The following MAST3 variants were observed in gnomAD, a reference collection of about 807,000 sequenced individuals.
The protein encoded by MAST3 is microtubule associated serine/threonine kinase 3.
In MAST3, 43 loss-of-function variants were observed where a neutral mutation model predicts 127.0. The ratio of observed to expected loss-of-function variants is 0.34; its 90% CI spans 0.27 to 0.44. The LOEUF (loss-of-function observed/expected upper bound fraction) is 0.44, where lower values mean the gene tolerates loss of function less well. Among genes scored for constraint, MAST3 ranks in the 20% least tolerant of loss-of-function variants. The probability of loss-of-function intolerance (pLI) is 1.00; values close to 1 mark genes in which losing one functional copy is unlikely to be tolerated. For missense variants in MAST3, 1,390 were observed against 1,919.1 expected, an observed-to-expected ratio of 0.72 and a Z score of 5.15; for synonymous variants, 785 against 809.2, an observed-to-expected ratio of 0.97 and a Z score of 0.51.
At chr19:18,142,257 C>G (rs1233163389) in intron 21 of MAST3, among the ~76,000 whole-genome samples, 1 of 152,090 alleles carries the variant, frequency 6.6e-6, no homozygotes, top group Non-Finnish European at 1.5e-5. Context: ...TCCAGAATGC[C>G]CTTTGCTTAC....
intron 1 of MAST3, among the ~76,000 whole-genome samples, chr19:18,104,179 CAAAAAAAAAAAAAAAAAAAAAAA>C (rs56347763): frequency 0.037 from 1,595 of 43,534 alleles, 30 homozygotes; most frequent in Middle Eastern, 0.19. Flanking sequence ...GACGCTGTCT[CAAAAAAAAAAAAAAAAAAAAAAA>C]AAAAAAAAAA....
At chr19:18,136,762 C>T (rs886462579) in intron 18 of MAST3, among the ~76,000 whole-genome samples, 1 of 152,038 alleles carries the variant, frequency 6.6e-6, no homozygotes, top group Non-Finnish European at 1.5e-5. Flanking sequence ...TCGTCCCTCT[C>T]CAGGCTCCTA....
chr19:18,109,207 G>T lies in MAST3; in HGVS notation c.72-1445G>T, dbSNP rs552215445. 2.5e-4 allele frequency among the ~76,000 whole-genome samples: 35 copies of T among 142,026 alleles called. No homozygotes were observed. The South Asian group carries it at 7.4e-3, about 30-fold the overall frequency. 93.2% of individuals were successfully genotyped at this position (142,026 alleles called of 152,430 possible). A position where few individuals can be genotyped will look rare whatever the true frequency, so the allele number is the denominator to read the frequency against. On this transcript the variant is annotated intron_variant, in intron 2 of 27. Transcript: ENST00000687212. ...ACAAGGGTAGCTGAGTGGAGTGAGT[G>T]GAGATGAGGTGGCAGGACAGAAGGA... is the stretch of plus-strand genomic sequence containing the variant.
At chr19:18,109,368 C>A (rs533577948) in intron 2 of MAST3, among the ~76,000 whole-genome samples, 14 of 152,062 alleles carry the variant, frequency 9.2e-5, no homozygotes, top group African/African-American at 3.1e-4. Context: ...TGGGACATTG[C>A]CCCGAGAGCC....
chr19:18,128,226 T>C (rs1057444759), intron 11 of MAST3, among the ~76,000 whole-genome samples, 174 bp from the exon 12 acceptor site: 2 of 152,146 alleles, frequency 1.3e-5, no homozygotes, highest in Non-Finnish European at 2.9e-5. Flanking sequence ...GGTTCCTAAG[T>C]CATTGCTTCA....
At position 18,114,306 on chromosome 19, in the gene MAST3, C is replaced by T. The variant is rs535747894; in HGVS notation, c.161+3565C>T. Among the ~76,000 whole-genome samples the T allele has an allele frequency of 2.6e-5, 4 of 151,990 alleles. No individual in the cohort carries two copies. The East Asian group carries it at 7.7e-4, about 29-fold the overall frequency. ...CTGGGTTCAAGTGATTCTCCTGCCTCAGCCTCGAGAGTAGCTGGGATTACA... is the reference window on the plus strand; with the variant it reads ...CTGGGTTCAAGTGATTCTCCTGCCTTAGCCTCGAGAGTAGCTGGGATTACA... On this transcript the variant is annotated intron_variant, in intron 3 of 27. Transcript: ENST00000687212.
At chr19:18,123,119 G>A in intron 6 of MAST3, 98 bp from the exon 7 acceptor site, 1 of 1,309,844 alleles carries the variant, frequency 7.6e-7, no homozygotes, top group East Asian at 2.3e-5. Flanking sequence ...ACCTTCTGAT[G>A]GCCAGCAGGC....
At chr19:18,125,387 T>C (rs1488115081) in intron 11 of MAST3, among the ~76,000 whole-genome samples, 1 of 152,128 alleles carries the variant, frequency 6.6e-6, no homozygotes, top group Non-Finnish European at 1.5e-5. Flanking sequence ...GCCTTTACTG[T>C]GGCCCAGAAA....
At chr19:18,104,240 GGAA>G (rs1055613519) in intron 1 of MAST3, among the ~76,000 whole-genome samples, 2 of 145,946 alleles carry the variant, frequency 1.4e-5, no homozygotes, top group Non-Finnish European at 3.0e-5. Flanking sequence ...TATTGGAAGG[GGAA>G]GAAGGAGACC....
rs2039786468 is a variant in MAST3 at position 18,120,079 on chromosome 19, A to G, written c.162-1606A>G. Among the ~76,000 whole-genome samples, 4 of 152,100 alleles carry G rather than the reference A, an allele frequency of 2.6e-5. No individual in the cohort carries two copies. In the South Asian group the frequency reaches 8.3e-4, roughly 31 times the overall value. On this transcript the variant is annotated intron_variant, in intron 3 of 27. Transcript: ENST00000687212. ...GGGCTGAGGCCAGGGCCCAGGTGGG[A>G]GAAGAAGCCAGGCAGGGTGTGAGAG...
chr19:18,118,453 G>A (rs2039570107), intron 3 of MAST3, among the ~76,000 whole-genome samples: 1 of 152,192 alleles, frequency 6.6e-6, no homozygotes, highest in Admixed American at 6.5e-5. Flanking sequence ...CCCTGGACTG[G>A]GGTGTCTGTC....
At chr19:18,117,080 C>T (rs888192680) in intron 3 of MAST3, among the ~76,000 whole-genome samples, 4 of 151,858 alleles carry the variant, frequency 2.6e-5, no homozygotes, top group Non-Finnish European at 5.9e-5. Context: ...TCAGTCCTTA[C>T]GGTGGGAGAC....
At chr19:18,125,263 G>T (rs1475308063) in intron 11 of MAST3, among the ~76,000 whole-genome samples, 2 of 152,158 alleles carry the variant, frequency 1.3e-5, no homozygotes, top group Admixed American at 1.3e-4. Context: ...GGGGCCCAGG[G>T]GCCTCAGTGT....
At position 18,151,107 on chromosome 19, in the gene MAST3, A is replaced by G. The variant is rs1306990181; in HGVS notation, c.*1381A>G. 1 of 152,216 alleles carries G rather than the reference A, an allele frequency of 6.6e-6. No individual in the cohort carries two copies. The highest frequency in any genetic ancestry group is 1.5e-5 in the Non-Finnish European group (1 of 68,030). 9.4% of individuals were successfully genotyped at this position (152,216 alleles called of 1,614,324 possible). A position where few individuals can be genotyped will look rare whatever the true frequency, so the allele number is the denominator to read the frequency against. On this transcript the variant is annotated 3_prime_UTR_variant, in exon 28 of 28. Transcript: ENST00000687212. ...CAGAGCCTCTCTGGGATGAAGTTCAAGCCAGAAAACCCAGTCGAGGCTCAA... is the reference window on the plus strand; with the variant it reads ...CAGAGCCTCTCTGGGATGAAGTTCAGGCCAGAAAACCCAGTCGAGGCTCAA...
At chr19:18,119,596 G>T (rs915209597) in intron 3 of MAST3, among the ~76,000 whole-genome samples, 10 of 152,224 alleles carry the variant, frequency 6.6e-5, no homozygotes, top group Non-Finnish European at 1.3e-4. Context: ...GGAGGCACTG[G>T]CTGCCCTCCC....
Position 18,145,928 on chromosome 19 carries a change from T to A in MAST3, c.3162+63T>A. The A allele has an allele frequency of 6.7e-7, 1 of 1,501,610 alleles. No homozygotes were observed. Among genetic ancestry groups the A allele is most frequent in the Non-Finnish European group, 8.8e-7 (1 of 1,133,064 alleles). The allele number at this position is 1,501,610 out of a possible 1,614,324, so 93.0% of individuals were successfully genotyped here. A position where few individuals can be genotyped will look rare whatever the true frequency, so the allele number is the denominator to read the frequency against. On this transcript the variant is annotated intron_variant, in intron 25 of 27. Transcript: ENST00000687212. The surrounding 1 kb of genome is among the most constrained non-coding windows in gnomAD (Gnocchi z 5.9). Reference sequence around the variant, plus strand: ...GCACCCCTTGGCCGCAGCTCCCGGTTCCCCGTGGTTCTCCGCGTCCAGACA... The same window carrying A: ...GCACCCCTTGGCCGCAGCTCCCGGTACCCCGTGGTTCTCCGCGTCCAGACA...
Position 18,110,190 on chromosome 19 carries a change from G to T in MAST3, c.72-462G>T, listed in dbSNP as rs1201361319. ...GCCCAGCCCCCGCGTCTAGTCTGCC[G>T]CACCAGCCAGGCGTCTGTCCCTGCG... On this transcript the variant is annotated intron_variant, in intron 2 of 27. Transcript: ENST00000687212. The surrounding 1 kb of genome is among the most constrained non-coding windows in gnomAD (Gnocchi z 4.3). The T allele has an allele frequency of 3.1e-5, 31 of 985,436 alleles. No homozygotes were observed. The highest frequency in any genetic ancestry group is 3.7e-5 in the Non-Finnish European group (31 of 829,952). The allele number at this position is 985,436 out of a possible 1,614,324, so 61.0% of individuals were successfully genotyped here. A position where few individuals can be genotyped will look rare whatever the true frequency, so the allele number is the denominator to read the frequency against.
Position 18,149,720 on chromosome 19 carries a change from A to G in MAST3, c.4038A>G (p.Arg1346=). 1 of 1,612,050 alleles carries G rather than the reference A, an allele frequency of 6.2e-7. No homozygotes were observed. Among genetic ancestry groups the G allele is most frequent in the Non-Finnish European group, 8.5e-7 (1 of 1,179,556 alleles). ...CAGTAGCTCTCGGGCCCACCGGAAG[A>G]GACTGATCCCCTGCCAGGTCTCTCC... The part of the protein sequence containing the change: ...AVPVALGPTG[R]D The change falls in exon 28 of 28, where the codon AGA becomes AGG. Residue 1346 remains arginine, a synonymous_variant. Coordinates refer to ENST00000687212, the MANE Select transcript of MAST3 (RefSeq NM_001393504.1). The surrounding 1 kb of genome is among the most constrained non-coding windows in gnomAD (Gnocchi z 5.9).
At position 18,144,883 on chromosome 19, in the gene MAST3, AC is replaced by A; in HGVS notation, c.2813-118del. 1.2e-6 allele frequency: 1 copy of A among 858,220 alleles called. No individual in the cohort carries two copies. The highest frequency in any genetic ancestry group is 1.9e-6 in the Non-Finnish European group (1 of 534,008). The allele number at this position is 858,220 out of a possible 1,614,324, so 53.2% of individuals were successfully genotyped here. A position where few individuals can be genotyped will look rare whatever the true frequency, so the allele number is the denominator to read the frequency against. ...GCACGTGCAAAGGCCTGGTGGGGTG[AC>A]CATGCTTGGGACATTGAAGCAACAG... On this transcript the variant is annotated intron_variant, in intron 23 of 27. Coordinates refer to ENST00000687212, the MANE Select transcript of MAST3 (RefSeq NM_001393504.1). This position sits in a 1 kb window ranked among gnomAD's most constrained non-coding sequence, Gnocchi z 4.0.
Sources: gnomAD v4.1 joint callset for allele counts (sites outside exome capture counted in the v4.1 genomes callset) on GRCh38, gnomAD v4.1.1 for gene constraint, Gnocchi (gnomAD v3.1) non-coding constraint, MANE v1.5 for transcripts, NCBI Gene and HGNC (gene_info 2026-07-23, HGNC 2026-07-21) for gene names.